Variants in GRIP1 observed in about 807,000 individuals in gnomAD.
GRIP1 encodes the protein glutamate receptor interacting protein 1.
Under a neutral mutation model 129.9 loss-of-function variants are expected in GRIP1, and 45 were observed. That is an observed-to-expected ratio of 0.35 (90% CI 0.27 to 0.44). The LOEUF is 0.44. Among genes scored for constraint, GRIP1 ranks in the 20% least tolerant of loss-of-function variants. The pLI is 1.00. For synonymous variants in GRIP1, 530 were observed against 520.8 expected, an observed-to-expected ratio of 1.02 and a Z score of -0.24; for missense variants, 1,196 against 1,396.8, an observed-to-expected ratio of 0.86 and a Z score of 2.29.
At chr12:67,004,864 G>A (rs1426890783) in intron 1 of GRIP1, among the ~76,000 whole-genome samples, 1 of 151,858 alleles carries the variant, frequency 6.6e-6, no homozygotes, top group Non-Finnish European at 1.5e-5. Context: ...TCTAAGATAA[G>A]GCACAATCAT....
chr12:66,686,502 C>T (rs779123406), intron 1 of GRIP1, among the ~76,000 whole-genome samples: 140 of 152,322 alleles, frequency 9.2e-4, no homozygotes, highest in Non-Finnish European at 1.7e-3. Context: ...TAATACATTG[C>T]TAAAAACTCT....
intron 19 of GRIP1, among the ~76,000 whole-genome samples, chr12:66,382,107 C>T (rs1032682222): frequency 2.6e-5 from 4 of 152,116 alleles, no homozygotes; most frequent in Admixed American, 6.6e-5. Flanking sequence ...GGCATGGTGG[C>T]GCATGCCAGC....
intron 7 of GRIP1, among the ~76,000 whole-genome samples, chr12:66,471,847 G>A (rs2059448022): frequency 1.3e-5 from 2 of 152,324 alleles, no homozygotes; most frequent in Middle Eastern, 6.8e-3. Context: ...ATCAATGATG[G>A]TGTCTCTAGA....
chr12:66,738,962 A>C (rs1432130521), intron 1 of GRIP1, among the ~76,000 whole-genome samples: 1 of 152,158 alleles, frequency 6.6e-6, no homozygotes, highest in Non-Finnish European at 1.5e-5. Context: ...CACTTTGTTC[A>C]GAGGTTCCCC....
intron 1 of GRIP1, among the ~76,000 whole-genome samples, chr12:67,058,657 T>C (rs1254842176): frequency 6.6e-6 from 1 of 152,214 alleles, no homozygotes; most frequent in African/African-American, 2.4e-5. Flanking sequence ...GGAAGACTAG[T>C]AGAAGGTGCT....
At chr12:66,798,754 T>C (rs1443072887) in intron 1 of GRIP1, among the ~76,000 whole-genome samples, 7 of 152,176 alleles carry the variant, frequency 4.6e-5, no homozygotes, top group Non-Finnish European at 1.5e-5. Flanking sequence ...AAATCACCTA[T>C]GGTTTTTGAG....
chr12:66,803,063 G>T (rs2136922104), intron 1 of GRIP1, among the ~76,000 whole-genome samples: 1 of 152,272 alleles, frequency 6.6e-6, no homozygotes. Context: ...CATTTAGAAG[G>T]AATTCTCATG....
intron 2 of GRIP1, among the ~76,000 whole-genome samples, chr12:66,589,343 C>G (rs1402859482): frequency 6.6e-6 from 1 of 152,050 alleles, no homozygotes; most frequent in Non-Finnish European, 1.5e-5. Context: ...TCCTCTTTCT[C>G]TTTTCTCGTT....
At chr12:66,758,653 G>A (rs1188863846) in intron 1 of GRIP1, among the ~76,000 whole-genome samples, 1 of 152,178 alleles carries the variant, frequency 6.6e-6, no homozygotes, top group Admixed American at 6.5e-5. Flanking sequence ...AAGCAAGCTA[G>A]TTATTTCCAA....
At chr12:66,423,268 G>A (rs1309150127) in intron 14 of GRIP1, among the ~76,000 whole-genome samples, 2 of 152,210 alleles carry the variant, frequency 1.3e-5, no homozygotes, top group African/African-American at 2.4e-5. Context: ...ATGAATAACA[G>A]TGCTTACCAT....
At chr12:66,631,085 C>T (rs2030726550) in intron 1 of GRIP1, among the ~76,000 whole-genome samples, 1 of 152,074 alleles carries the variant, frequency 6.6e-6, no homozygotes, top group East Asian at 1.9e-4. Context: ...TTACAGGTGC[C>T]TGCCACCATG....
At position 66,377,009 on chromosome 12, in the gene GRIP1, G is replaced by GTAGC; in HGVS notation, c.2778+4_2778+7dup. The GTAGC allele has an allele frequency of 6.2e-7, 1 of 1,600,668 alleles. No individual in the cohort carries two copies. The highest frequency in any genetic ancestry group is 8.6e-7 in the Non-Finnish European group (1 of 1,167,714). ...ACAAGCAAAAATATAAACATAAAGGGTAGCTACCAAGAGAGTCATGTTTCT... is the reference window on the plus strand; with the variant it reads ...ACAAGCAAAAATATAAACATAAAGGGTAGCTAGCTACCAAGAGAGTCATGTTTCT... On this transcript the variant is annotated splice_region_variant and intron_variant, in intron 22 of 24. Transcript: ENST00000359742.
intron 1 of GRIP1, among the ~76,000 whole-genome samples, chr12:66,845,107 G>A (rs2039790257): frequency 6.6e-6 from 1 of 152,114 alleles, no homozygotes; most frequent in Non-Finnish European, 1.5e-5. Flanking sequence ...CAAATTTCAT[G>A]TTATGTATTT....
intron 7 of GRIP1, among the ~76,000 whole-genome samples, chr12:66,485,553 G>T (rs1451856443): frequency 1.3e-5 from 2 of 151,922 alleles, no homozygotes; most frequent in African/African-American, 2.4e-5. Flanking sequence ...AATGCTTAAA[G>T]GTGTTTTTTG....
intron 1 of GRIP1, among the ~76,000 whole-genome samples, chr12:66,646,961 T>C (rs993113634): frequency 2.6e-5 from 4 of 152,188 alleles, no homozygotes; most frequent in Non-Finnish European, 4.4e-5. Context: ...TGCAAAATTA[T>C]AAAAGGTTGC....
At chr12:66,791,355 T>A (rs948765063) in intron 1 of GRIP1, among the ~76,000 whole-genome samples, 1 of 152,070 alleles carries the variant, frequency 6.6e-6, no homozygotes, top group African/African-American at 2.4e-5. Context: ...TTGGGAATAA[T>A]TGCTTAGGGA....
Position 66,465,275 on chromosome 12 carries a change from C to G in GRIP1, c.872G>C (p.Arg291Thr). 6.2e-7 allele frequency: 1 copy of G among 1,613,150 alleles called. No homozygotes were observed. Among genetic ancestry groups the G allele is most frequent in the Non-Finnish European group, 8.5e-7 (1 of 1,179,242 alleles). ...DKIKSASIAD[R>T]CGALHVGDHI... ...AGTAGGCACTTTCTACAATACTTACCTGTCTGCAATACTTGCAGATTTGAT... is the reference window on the plus strand; with the variant it reads ...AGTAGGCACTTTCTACAATACTTACGTGTCTGCAATACTTGCAGATTTGAT... The change falls in exon 8 of 25, where the codon AGA (arginine) becomes ACA (threonine). Residue 291 changes from arginine (R) to threonine (T), a missense_variant and splice_region_variant. Arg to Thr is a moderately conservative substitution (Grantham distance 71). Transcript: ENST00000359742.
At chr12:66,693,803 T>C (rs1248383432) in intron 1 of GRIP1, among the ~76,000 whole-genome samples, 1 of 152,198 alleles carries the variant, frequency 6.6e-6, no homozygotes, top group Non-Finnish European at 1.5e-5. Flanking sequence ...GCGAATCCCA[T>C]GATTTTAAAA....
chr12:66,942,221 C>G (rs1296191978), intron 1 of GRIP1, among the ~76,000 whole-genome samples: 2 of 152,196 alleles, frequency 1.3e-5, no homozygotes, highest in Admixed American at 6.5e-5. Context: ...ACTAGCGGAT[C>G]AGGGATGAAT....
Sources: allele counts gnomAD v4.1 joint callset (sites outside exome capture counted in the v4.1 genomes callset), GRCh38; gene constraint gnomAD v4.1.1; transcripts MANE v1.5; gene names NCBI Gene and HGNC (gene_info 2026-07-23, HGNC 2026-07-21).